The following SCFD2 variants were observed in gnomAD, a reference collection of about 807,000 sequenced individuals.
SCFD2 encodes the protein sec1 family domain-containing protein 2.
A neutral mutation model predicts 58.9 loss-of-function variants in SCFD2; 54 were observed. The ratio of observed to expected loss-of-function variants is 0.92; its 90% confidence interval spans 0.74 to 1.15. The LOEUF (loss-of-function observed/expected upper bound fraction) is 1.15, where lower values mean the gene tolerates loss of function less well. Ranked by LOEUF, SCFD2 falls within the 50% of genes most tolerant of loss-of-function variation. The pLI, the probability that SCFD2 is intolerant of heterozygous loss-of-function variation, is 0.00. For missense variants in SCFD2, 805 were observed against 836.6 expected (o/e 0.96, Z 0.47); for synonymous variants, 321 against 335.9 (o/e 0.96, Z 0.49).
chr4:53,059,308 G>A (rs538793618), intron 5 of SCFD2, among the ~76,000 whole-genome samples: 3 of 152,254 alleles, frequency 2.0e-5, no homozygotes, highest in African/African-American at 7.2e-5. Context: ...CTGTAGTGAA[G>A]GGCAAAGCCA....
rs748164382 is a variant in SCFD2, at chr4:53,365,706, C to T, written c.236G>A (p.Cys79Tyr). 1 of 1,614,184 alleles carries T rather than the reference C, an allele frequency of 6.2e-7. No homozygotes were observed. Among genetic ancestry groups the T allele is most frequent in the East Asian group, 2.2e-5 (1 of 44,876 alleles). Residue 79 changes from cysteine to tyrosine, a missense_variant, in exon 1 of 9, where the codon TGC (cysteine) becomes TAC (tyrosine). Transcript: ENST00000401642. The surrounding 1 kb of genome is among the most constrained non-coding windows in gnomAD (Gnocchi z 4.3). ...KQPKAVFVLS[C>Y]LLKGRTVEIL... Reference sequence around the variant, plus strand: ...CTCCACGGTCCGGCCTTTCAGCAGGCAGCTCAGCACAAACACTGCCTTGGG... The same window carrying T: ...CTCCACGGTCCGGCCTTTCAGCAGGTAGCTCAGCACAAACACTGCCTTGGG...
chr4:53,251,574 T>A (rs2149040028), intron 4 of SCFD2, among the ~76,000 whole-genome samples: 1 of 152,274 alleles, frequency 6.6e-6, no homozygotes, highest in East Asian at 1.9e-4. Flanking sequence ...CAAGGCTGGT[T>A]CAATATATGA....
chr4:53,315,712 T>C (rs1732841953), intron 2 of SCFD2, among the ~76,000 whole-genome samples: 1 of 152,134 alleles, frequency 6.6e-6, no homozygotes, highest in Non-Finnish European at 1.5e-5. Context: ...TCATAATTGT[T>C]CTCTAGTCTC....
At chr4:53,308,896 C>T (rs1732598671) in intron 3 of SCFD2, among the ~76,000 whole-genome samples, 1 of 151,910 alleles carries the variant, frequency 6.6e-6, no homozygotes, top group Non-Finnish European at 1.5e-5. Flanking sequence ...TTTGGAAGGC[C>T]GAGGCGGGCG....
chr4:53,238,269 C>T (rs1462970179), intron 4 of SCFD2, among the ~76,000 whole-genome samples: 2 of 110,888 alleles, frequency 1.8e-5, no homozygotes, highest in Admixed American at 8.2e-5. Flanking sequence ...CAGAGGCGCC[C>T]CTCACCTCCT....
At chr4:53,233,012 G>A (rs1012155783) in intron 4 of SCFD2, among the ~76,000 whole-genome samples, 9 of 152,076 alleles carry the variant, frequency 5.9e-5, no homozygotes, top group Non-Finnish European at 1.0e-4. Flanking sequence ...TAGCACTCTC[G>A]GAATCCTTAA....
At chr4:53,079,558 T>C (rs907621761) in intron 5 of SCFD2, among the ~76,000 whole-genome samples, 1 of 152,196 alleles carries the variant, frequency 6.6e-6, no homozygotes, top group African/African-American at 2.4e-5. Context: ...TATTCTGCAA[T>C]TACTCTATGT....
At chr4:53,220,535 A>T (rs1414443651) in intron 4 of SCFD2, among the ~76,000 whole-genome samples, 1 of 152,258 alleles carries the variant, frequency 6.6e-6, no homozygotes, top group East Asian at 1.9e-4. Flanking sequence ...AATTTATCAT[A>T]AATGCAAAGA....
intron 3 of SCFD2, among the ~76,000 whole-genome samples, chr4:53,306,655 C>T (rs1368348358): frequency 6.6e-6 from 1 of 152,150 alleles, no homozygotes; most frequent in Non-Finnish European, 1.5e-5. Flanking sequence ...CAATGAAGGA[C>T]ATGACATGTA....
At chr4:52,953,306 T>C (rs1260562621) in intron 5 of SCFD2, among the ~76,000 whole-genome samples, 1 of 152,200 alleles carries the variant, frequency 6.6e-6, no homozygotes, top group Non-Finnish European at 1.5e-5. Context: ...TTATAACCTA[T>C]AGACCTGGTG....
At chr4:53,165,400 T>C (rs974198996) in intron 4 of SCFD2, among the ~76,000 whole-genome samples, 1 of 152,224 alleles carries the variant, frequency 6.6e-6, no homozygotes, top group Admixed American at 6.5e-5. Flanking sequence ...AGCCTGATTT[T>C]TTAAAAAAGA....
In SCFD2 at chr4:52,941,624, C is replaced by T. The variant is rs140941503; in HGVS notation, c.1562-20754G>A. Reference sequence around the variant, plus strand: ...CTCACTCCGGTTCACTTATCTGGCACACAGAAGGCACATGCCAAATGCTTG... The same window carrying T: ...CTCACTCCGGTTCACTTATCTGGCATACAGAAGGCACATGCCAAATGCTTG... On this transcript the variant is annotated intron_variant, in intron 5 of 8. Coordinates refer to ENST00000401642, the MANE Select transcript of SCFD2 (RefSeq NM_152540.4). Among the ~76,000 whole-genome samples the T allele has an allele frequency of 8.3e-3, 1,263 of 152,312 alleles. 9 individuals carry two copies. Among genetic ancestry groups the T allele is most frequent in the South Asian group, 0.016 (79 of 4,824 alleles).
intron 4 of SCFD2, among the ~76,000 whole-genome samples, chr4:53,250,438 G>A (rs1409471185): frequency 6.6e-6 from 1 of 152,122 alleles, no homozygotes; most frequent in Non-Finnish European, 1.5e-5. Flanking sequence ...ACTCAGCTCT[G>A]CACCAAGCAC....
chr4:53,179,149 A>G (rs1727451470), intron 4 of SCFD2, among the ~76,000 whole-genome samples: 1 of 152,180 alleles, frequency 6.6e-6, no homozygotes, highest in Admixed American at 6.5e-5. Context: ...AATACAGAAA[A>G]CACCACAAAG....
At chr4:53,056,938 C>T (rs1190987560) in intron 5 of SCFD2, among the ~76,000 whole-genome samples, 2 of 152,122 alleles carry the variant, frequency 1.3e-5, no homozygotes, top group Non-Finnish European at 1.5e-5. Flanking sequence ...AATCCCAGCA[C>T]TTTGGGAAGC....
intron 4 of SCFD2, among the ~76,000 whole-genome samples, chr4:53,192,348 C>A (rs1456150783): frequency 1.3e-5 from 2 of 152,124 alleles, no homozygotes; most frequent in Non-Finnish European, 2.9e-5. Context: ...TAACTCCCTG[C>A]ATTCTGTTGT....
chr4:53,169,695 G>T (rs776178363), intron 4 of SCFD2, among the ~76,000 whole-genome samples: 2 of 151,928 alleles, frequency 1.3e-5, no homozygotes, highest in African/African-American at 2.4e-5. Flanking sequence ...CCACATCCTC[G>T]CCCACACATC....
chr4:52,916,072 G>A (rs1038101444), intron 6 of SCFD2, among the ~76,000 whole-genome samples: 2 of 152,222 alleles, frequency 1.3e-5, no homozygotes, highest in Admixed American at 1.3e-4. Flanking sequence ...TGCTCTTCAA[G>A]ATGCATGCCA....
chr4:53,227,532 A>G (rs1216496276), intron 4 of SCFD2, among the ~76,000 whole-genome samples: 1 of 152,200 alleles, frequency 6.6e-6, no homozygotes, highest in East Asian at 1.9e-4. Context: ...TGCAAACAAC[A>G]ATACAAAGTC....
Sources: allele counts gnomAD v4.1 joint callset (sites outside exome capture counted in the v4.1 genomes callset), GRCh38; gene constraint gnomAD v4.1.1; non-coding constraint Gnocchi (gnomAD v3.1); transcripts MANE v1.5; gene names NCBI Gene and HGNC (gene_info 2026-07-23, HGNC 2026-07-21).